Variants in CELSR1 observed in about 807,000 individuals in gnomAD.
CELSR1 encodes the protein cadherin EGF LAG seven-pass G-type receptor 1.
A neutral mutation model predicts 249.1 loss-of-function variants in CELSR1; 110 were observed. The ratio of observed to expected loss-of-function variants is 0.44; its 90% CI spans 0.38 to 0.52. The LOEUF is 0.52. Ranked by LOEUF, CELSR1 falls within the 20% of genes least tolerant of loss-of-function variation. CELSR1 has a pLI of 0.00. For missense variants in CELSR1, 4,109 were observed against 4,296.4 expected, an observed-to-expected ratio of 0.96 and a Z score of 1.22; for synonymous variants, 2,113 against 1,900.0, an observed-to-expected ratio of 1.11 and a Z score of -2.92.
At chr22:46,508,633 G>C (rs970567138) in intron 1 of CELSR1, among the ~76,000 whole-genome samples, 5 of 152,122 alleles carry the variant, frequency 3.3e-5, no homozygotes, top group African/African-American at 1.2e-4. Context: ...AGGGCTCAGG[G>C]AGGGGCCTCT....
intron 1 of CELSR1, among the ~76,000 whole-genome samples, chr22:46,494,738 C>T (rs1192788067): frequency 6.6e-6 from 1 of 152,152 alleles, no homozygotes; most frequent in Non-Finnish European, 1.5e-5. Context: ...AACTACTGAC[C>T]TCAAGTGATC....
At chr22:46,516,871 C>T (rs750523266) in intron 1 of CELSR1, among the ~76,000 whole-genome samples, 6 of 152,230 alleles carry the variant, frequency 3.9e-5, no homozygotes, top group Non-Finnish European at 8.8e-5. Context: ...GGGCTGTCCC[C>T]TCACCCTCCC....
At chr22:46,453,862 G>A (rs1009666777) in intron 2 of CELSR1, among the ~76,000 whole-genome samples, 1 of 152,168 alleles carries the variant, frequency 6.6e-6, no homozygotes, top group African/African-American at 2.4e-5. Flanking sequence ...TATTTACCGG[G>A]TGTGAGTGGT....
At position 46,434,017 on chromosome 22, in the gene CELSR1, C is replaced by T. The variant is rs545199896; in HGVS notation, c.4523-536G>A. On this transcript the variant is annotated intron_variant, in intron 4 of 34. Coordinates refer to ENST00000674500, the MANE Select transcript of CELSR1 (RefSeq NM_001378328.1). The surrounding 1 kb of genome is among the most constrained non-coding windows in gnomAD (Gnocchi z 4.9). The stretch of plus-strand genomic sequence containing the variant: ...TTCTAAATATGAAAAAATATAAACA[C>T]GGAAAACCCATCTGTCTGTACCAGC... Among the ~76,000 whole-genome samples the T allele has an allele frequency of 3.7e-4, 57 of 152,278 alleles. No homozygotes were observed. The highest frequency in any genetic ancestry group is 1.2e-3 in the African/African-American group (50 of 41,556).
intron 1 of CELSR1, among the ~76,000 whole-genome samples, chr22:46,485,436 T>C (rs139844353): frequency 1.4e-3 from 213 of 152,206 alleles, no homozygotes; most frequent in African/African-American, 4.8e-3. Flanking sequence ...AGTAAGAAGA[T>C]TCAAGCAAAG....
At position 46,490,124 on chromosome 22, in the gene CELSR1, CAT is replaced by C. The variant is rs772251664; in HGVS notation, c.3545-25781_3545-25780del. 3.7e-4 allele frequency among the ~76,000 whole-genome samples: 56 copies of C among 152,254 alleles called. No homozygotes were observed. The highest frequency in any genetic ancestry group is 7.5e-4 in the Non-Finnish European group (51 of 68,012). ...AACGTTCCCAAGTGCAAAGTGTACA[CAT>C]GTCGACATGGCACTTCTACCTGGAG... On this transcript the variant is annotated intron_variant, in intron 1 of 34. Transcript: ENST00000674500. The surrounding 1 kb of genome is among the most constrained non-coding windows in gnomAD (Gnocchi z 5.2).
chr22:46,461,460 C>G (rs1161615039), intron 2 of CELSR1, among the ~76,000 whole-genome samples: 1 of 152,214 alleles, frequency 6.6e-6, no homozygotes. Flanking sequence ...GGGCCTCGAC[C>G]ACCCCTGCCC....
Position 46,534,134 on chromosome 22 carries a change from G to A in CELSR1, c.3037C>T (p.Pro1013Ser), listed in dbSNP as rs773421369. The A allele has an allele frequency of 3.1e-6, 5 of 1,613,644 alleles. No homozygotes were observed. In the African/African-American group the frequency reaches 6.7e-5, roughly 22 times the overall value. The stretch of plus-strand genomic sequence containing the variant: ...ATCTTTGCCACCACCGACCCCACTG[G>A]GTTGTTCTCCTCAACAAACAGCTCC... ...ELELFVEENN[P>S]VGSVVAKIRA... is the part of the protein sequence containing the mutation. The change falls in exon 1 of 35, where the codon CCA becomes TCA. Residue 1013 changes from proline (P) to serine (S), a missense_variant. By Grantham distance (74) the Pro-to-Ser change is moderately conservative. Coordinates refer to ENST00000674500, the MANE Select transcript of CELSR1 (RefSeq NM_001378328.1). The surrounding 1 kb of genome is among the most constrained non-coding windows in gnomAD (Gnocchi z 9.7).
chr22:46,399,909 C>CA lies in CELSR1; in HGVS notation c.5227-8dup, dbSNP rs1569135998. On this transcript the variant is annotated splice_polypyrimidine_tract_variant and splice_region_variant and intron_variant, in intron 9 of 34. Coordinates refer to ENST00000674500, the MANE Select transcript of CELSR1 (RefSeq NM_001378328.1). The surrounding 1 kb of genome is among the most constrained non-coding windows in gnomAD (Gnocchi z 5.0). ...GGAGGTAGTTGTTCAGGATCTGGAG[C>CA]AGGGAGAGCCACACCGACTGATTGG... 1 of 1,613,560 alleles carries CA rather than the reference C, an allele frequency of 6.2e-7. No individual in the cohort carries two copies. Among genetic ancestry groups the CA allele is most frequent in the African/African-American group, 1.3e-5 (1 of 74,916 alleles).
chr22:46,499,268 C>T (rs2147726928), intron 1 of CELSR1, among the ~76,000 whole-genome samples: 1 of 151,252 alleles, frequency 6.6e-6, no homozygotes, highest in African/African-American at 2.4e-5. Flanking sequence ...ACAGAAACCA[C>T]AGAGGAAAAC....
Position 46,364,121 on chromosome 22 carries a change from G to A in CELSR1, c.8910C>T (p.Gly2970=). Residue 2970 remains glycine, a synonymous_variant, in exon 34 of 35, where the codon GGC becomes GGT. Coordinates refer to ENST00000674500, the MANE Select transcript of CELSR1 (RefSeq NM_001378328.1). ...SPTSSRTSSL[G]SGGPDCAITV... ...TGATGGCGCAGTCGGGGCCGCCAGA[G>A]CCCAGGGAAGACGTGCGCGAGGATG... 6.2e-7 allele frequency: 1 copy of A among 1,612,360 alleles called. No homozygotes were observed. The highest frequency in any genetic ancestry group is 1.7e-5 in the Admixed American group (1 of 59,994).
chr22:46,407,759 A>G lies in CELSR1; in HGVS notation c.5226+1237T>C, dbSNP rs1602092046. On this transcript the variant is annotated intron_variant, in intron 9 of 34. Coordinates refer to ENST00000674500, the MANE Select transcript of CELSR1 (RefSeq NM_001378328.1). This position sits in a 1 kb window ranked among gnomAD's most constrained non-coding sequence, Gnocchi z 4.8. ...GGCTCCCACAGGCCACTCCCGTGCC[A>G]GGGGATGAGAATTAGGCCTAAGGAG... Among the ~76,000 whole-genome samples, 1 of 152,216 alleles carries G rather than the reference A, an allele frequency of 6.6e-6. No individual in the cohort carries two copies. Among genetic ancestry groups the G allele is most frequent in the South Asian group, 2.1e-4 (1 of 4,826 alleles).
In CELSR1 at chr22:46,448,434, A is replaced by T. The variant is rs2079845251; in HGVS notation, c.4184-9023T>A. On this transcript the variant is annotated intron_variant, in intron 2 of 34. Coordinates refer to ENST00000674500, the MANE Select transcript of CELSR1 (RefSeq NM_001378328.1). The surrounding 1 kb of genome is among the most constrained non-coding windows in gnomAD (Gnocchi z 5.7). ...CACCTAGAGAGGGGGCACAGCAGGCAGAGAACCTCAGGACCTGGGGGAGGG... is the reference window on the plus strand; with the variant it reads ...CACCTAGAGAGGGGGCACAGCAGGCTGAGAACCTCAGGACCTGGGGGAGGG... 1 of 314,688 alleles carries T rather than the reference A, an allele frequency of 3.2e-6. No individual in the cohort carries two copies. Among genetic ancestry groups the T allele is most frequent in the Non-Finnish European group, 6.2e-6 (1 of 161,348 alleles). The allele number at this position is 314,688 out of a possible 1,614,324, so 19.5% of individuals were successfully genotyped here. A position where few individuals can be genotyped will look rare whatever the true frequency, so the allele number is the denominator to read the frequency against.
intron 2 of CELSR1, among the ~76,000 whole-genome samples, chr22:46,461,808 G>A (rs4823817): frequency 0.7 from 106,824 of 152,278 alleles, 37,884 homozygotes; most frequent in East Asian, 0.82. Context: ...CTGAAGCAGG[G>A]AAGTCGACGA....
At chr22:46,385,838 C>T (rs573266312) in intron 19 of CELSR1, among the ~76,000 whole-genome samples, 21 of 151,880 alleles carry the variant, frequency 1.4e-4, no homozygotes, top group Non-Finnish European at 2.6e-4. Context: ...CCACCACGAC[C>T]GGCTACTTTT....
chr22:46,531,835 G>A (rs77555363), intron 1 of CELSR1, among the ~76,000 whole-genome samples: 1 of 152,216 alleles, frequency 6.6e-6, no homozygotes, highest in South Asian at 2.1e-4. Flanking sequence ...TGTCATCCGG[G>A]TGTGTGTTGG....
In CELSR1 at chr22:46,386,539, G is replaced by A. The variant is rs931511697; in HGVS notation, c.6602C>T (p.Ala2201Val). 8.1e-6 allele frequency: 13 copies of A among 1,597,108 alleles called. No homozygotes were observed. In the African/African-American group the frequency reaches 1.1e-4, roughly 13 times the overall value. Residue 2201 changes from alanine (A) to valine (V), a missense_variant, in exon 19 of 35, where the codon GCG becomes GTG. Ala to Val is a moderately conservative substitution (Grantham distance 64). Transcript: ENST00000674500. ...GSALLAPATRAAWEQIQRSEG... is the reference protein window; with the variant it reads ...GSALLAPATRVAWEQIQRSEG... The stretch of plus-strand genomic sequence containing the variant: ...GCTCCGCTGGATCTGCTCCCACGCC[G>A]CCCTGGTGGCTGGGGCCAGGAGGGC...
In CELSR1 at chr22:46,417,410, G is replaced by A. The variant is rs1429755274; in HGVS notation, c.4612-5651C>T. 6.6e-6 allele frequency among the ~76,000 whole-genome samples: 1 copy of A among 152,218 alleles called. No homozygotes were observed. The highest frequency in any genetic ancestry group is 2.4e-5 in the African/African-American group (1 of 41,440). ...CAGACCGAGCTGCTACTTCCTGGTG[G>A]TCCCAATACCCCTAGGCAGGTAACA... On this transcript the variant is annotated intron_variant, in intron 5 of 34. Transcript: ENST00000674500. The surrounding 1 kb of genome is among the most constrained non-coding windows in gnomAD (Gnocchi z 4.1).
At chr22:46,487,547 ACGGTGCAGTGCAGGTGGG>A (rs2080324812) in intron 1 of CELSR1, among the ~76,000 whole-genome samples, 2 of 61,994 alleles carry the variant, frequency 3.2e-5, no homozygotes, top group East Asian at 4.8e-4. Context: ...AGGGGAGTCC[ACGGTGCAGTGCAGGTGGG>A]GGGTGAGGGG....
Sources: gnomAD v4.1 joint callset for allele counts (sites outside exome capture counted in the v4.1 genomes callset) on GRCh38, gnomAD v4.1.1 for gene constraint, Gnocchi (gnomAD v3.1) non-coding constraint, MANE v1.5 for transcripts, NCBI Gene and HGNC (gene_info 2026-07-23, HGNC 2026-07-21) for gene names.